The following DGKI variants were observed in gnomAD, a reference collection of about 807,000 sequenced individuals.
DGKI encodes DAG kinase iota.
A neutral mutation model predicts 147.5 loss-of-function variants in DGKI; 55 were observed. The ratio of observed to expected loss-of-function variants is 0.37; its 90% CI spans 0.30 to 0.47. DGKI has a LOEUF of 0.47. DGKI is among the 20% of genes least tolerant of loss of function. The pLI, the probability that DGKI is intolerant of heterozygous loss-of-function variation, is 1.00. For missense variants in DGKI, 1,007 were observed against 1,323.8 expected, an observed-to-expected ratio of 0.76 and a Z score of 3.71; for synonymous variants, 469 against 477.1, an observed-to-expected ratio of 0.98 and a Z score of 0.22.
chr7:137,567,867 T>A (rs1374732906), intron 19 of DGKI, among the ~76,000 whole-genome samples: 1 of 152,226 alleles, frequency 6.6e-6, no homozygotes, highest in Non-Finnish European at 1.5e-5. Context: ...ATATATGCTA[T>A]GCATATGATG....
At chr7:137,824,531 A>AAAAAAAAAG (rs1797999764) in intron 1 of DGKI, among the ~76,000 whole-genome samples, 1 of 60,054 alleles carries the variant, frequency 1.7e-5, no homozygotes, top group African/African-American at 5.8e-5. Flanking sequence ...AAAAAAAAAG[A>AAAAAAAAAG]AAAAGAAAAG....
At chr7:137,699,498 G>A (rs138450961) in intron 1 of DGKI, among the ~76,000 whole-genome samples, 9 of 152,310 alleles carry the variant, frequency 5.9e-5, no homozygotes, top group African/African-American at 2.2e-4. Context: ...GAGGTCTAAT[G>A]AATATGGAAA....
intron 1 of DGKI, among the ~76,000 whole-genome samples, chr7:137,746,756 A>G (rs1279810015): frequency 6.6e-6 from 1 of 152,078 alleles, no homozygotes; most frequent in Non-Finnish European, 1.5e-5. Context: ...ACCTGGTATC[A>G]GGTGTAAGCT....
chr7:137,604,130 C>A (rs1258535613), intron 10 of DGKI, among the ~76,000 whole-genome samples: 1 of 152,162 alleles, frequency 6.6e-6, no homozygotes, highest in East Asian at 1.9e-4. Flanking sequence ...ATAGGTTCAT[C>A]ATTTGGTTGT....
intron 1 of DGKI, among the ~76,000 whole-genome samples, chr7:137,827,553 A>G (rs1404038244): frequency 6.6e-6 from 1 of 152,150 alleles, no homozygotes; most frequent in African/African-American, 2.4e-5. Context: ...AACTCTTTAA[A>G]GTCAGTGCTC....
chr7:137,584,947 C>T (rs1819333867), intron 14 of DGKI, among the ~76,000 whole-genome samples: 1 of 152,128 alleles, frequency 6.6e-6, no homozygotes, highest in Admixed American at 6.6e-5. Context: ...AAAATACATG[C>T]CTTTCTAGTG....
chr7:137,796,732 A>G (rs1411143795), intron 1 of DGKI, among the ~76,000 whole-genome samples: 1 of 152,176 alleles, frequency 6.6e-6, no homozygotes, highest in African/African-American at 2.4e-5. Flanking sequence ...GAATTAACAA[A>G]CTTGGAAATA....
intron 2 of DGKI, among the ~76,000 whole-genome samples, chr7:137,683,179 C>T (rs1340865695): frequency 4.6e-5 from 7 of 151,870 alleles, no homozygotes; most frequent in African/African-American, 1.7e-4. Context: ...ATTTATTTAA[C>T]GTTAGTATAA....
chr7:137,747,370 G>C (rs1478515370), intron 1 of DGKI, among the ~76,000 whole-genome samples: 1 of 152,162 alleles, frequency 6.6e-6, no homozygotes, highest in East Asian at 1.9e-4. Flanking sequence ...GTGTGCCATT[G>C]AGGCAGGAAA....
intron 21 of DGKI, among the ~76,000 whole-genome samples, chr7:137,511,665 G>T (rs1005735109): frequency 3.3e-5 from 5 of 152,212 alleles, no homozygotes; most frequent in Non-Finnish European, 5.9e-5. Flanking sequence ...AAGGATTTTG[G>T]TATGTGGGTG....
intron 6 of DGKI, among the ~76,000 whole-genome samples, chr7:137,638,840 T>A (rs1821517278): frequency 6.6e-6 from 1 of 151,564 alleles, no homozygotes; most frequent in Non-Finnish European, 1.5e-5. Flanking sequence ...CTTATTAATT[T>A]AAAAGGCAGA....
At chr7:137,701,630 T>C (rs1585387029) in intron 1 of DGKI, among the ~76,000 whole-genome samples, 1 of 152,114 alleles carries the variant, frequency 6.6e-6, no homozygotes, top group East Asian at 1.9e-4. Flanking sequence ...AAAGGACAGA[T>C]ACAATAAAAT....
intron 21 of DGKI, among the ~76,000 whole-genome samples, chr7:137,517,301 AAGAAAGAAAGAAAGAAAGAAAG>A (rs1816795693): frequency 9.4e-5 from 13 of 138,508 alleles, no homozygotes; most frequent in African/African-American, 3.1e-4. Context: ...GAAAGAAAGA[AAGAAAGAAAGAAAGAAAGAAAG>A]AAAGAAAGAA....
At chr7:137,717,802 AC>A (rs976273633) in intron 1 of DGKI, among the ~76,000 whole-genome samples, 1 of 152,226 alleles carries the variant, frequency 6.6e-6, no homozygotes, top group Non-Finnish European at 1.5e-5. Context: ...AAGGCTTCTT[AC>A]GTAAAAAGCC....
intron 21 of DGKI, among the ~76,000 whole-genome samples, chr7:137,516,793 T>C (rs188442964): frequency 1.2e-3 from 186 of 152,214 alleles, no homozygotes; most frequent in African/African-American, 4.4e-3. Flanking sequence ...TCTACCATTT[T>C]GGCATAGTTA....
intron 3 of DGKI, among the ~76,000 whole-genome samples, chr7:137,675,022 A>G (rs955161910): frequency 1.3e-5 from 2 of 152,244 alleles, no homozygotes; most frequent in African/African-American, 4.8e-5. Flanking sequence ...CCCAACAGGT[A>G]GGCTTTCTTC....
chr7:137,648,007 AT>A (rs1821890234), intron 5 of DGKI, among the ~76,000 whole-genome samples: 2 of 152,154 alleles, frequency 1.3e-5, no homozygotes, highest in South Asian at 4.1e-4. Context: ...TGCCCTTACC[AT>A]TGTGTCACTG....
intron 5 of DGKI, among the ~76,000 whole-genome samples, chr7:137,654,264 A>G (rs188991656): frequency 1.2e-3 from 178 of 152,294 alleles, no homozygotes; most frequent in Non-Finnish European, 1.9e-3. Flanking sequence ...GATCACACAC[A>G]TCAAGGCTGG....
intron 6 of DGKI, among the ~76,000 whole-genome samples, chr7:137,641,354 T>C (rs1821618518): frequency 6.6e-6 from 1 of 152,140 alleles, no homozygotes. Context: ...TAGACAAAGT[T>C]TAACTATGTA....
Sources: allele counts gnomAD v4.1 joint callset (sites outside exome capture counted in the v4.1 genomes callset), GRCh38; gene constraint gnomAD v4.1.1; transcripts MANE v1.5; gene names NCBI Gene and HGNC (gene_info 2026-07-23, HGNC 2026-07-21).